CLNK: variants seen among roughly 807,000 people sequenced by gnomAD.
CLNK encodes the protein cytokine dependent hematopoietic cell linker, also known as cytokine-dependent hematopoietic cell linker.
CLNK carries 74 observed loss-of-function variants against 68.6 expected under a neutral mutation model. The observed-to-expected ratio is 1.08, with a 90% CI of 0.89 to 1.31. CLNK has a LOEUF of 1.31. Ranked by LOEUF, CLNK falls within the 50% of genes most tolerant of loss-of-function variation. The probability of loss-of-function intolerance (pLI) is 0.00; values close to 1 mark genes in which losing one functional copy is unlikely to be tolerated. For missense variants in CLNK, 553 were observed against 515.3 expected (o/e 1.07, Z -0.71); for synonymous variants, 198 against 172.2 (o/e 1.15, Z -1.17).
intron 1 of CLNK, among the ~76,000 whole-genome samples, chr4:10,679,592 G>C (rs920026498): frequency 2.0e-5 from 3 of 151,920 alleles, no homozygotes; most frequent in Admixed American, 6.6e-5. Context: ...TACAGAATAG[G>C]AGAAAATTTT....
chr4:10,640,651 A>G (rs761665660), intron 2 of CLNK, among the ~76,000 whole-genome samples: 1 of 152,218 alleles, frequency 6.6e-6, no homozygotes, highest in Non-Finnish European at 1.5e-5. Flanking sequence ...TGGCCAGGCT[A>G]TTACTCAAAT....
intron 15 of CLNK, among the ~76,000 whole-genome samples, chr4:10,514,392 C>G (rs1717740119): frequency 1.3e-5 from 2 of 151,920 alleles, no homozygotes; most frequent in Admixed American, 6.6e-5. Flanking sequence ...GATGGCCGGA[C>G]CAAAACAGAG....
chr4:10,671,044 G>A (rs1408966590), intron 1 of CLNK, among the ~76,000 whole-genome samples: 1 of 152,202 alleles, frequency 6.6e-6, no homozygotes, highest in Non-Finnish European at 1.5e-5. Flanking sequence ...TTGTATAAGA[G>A]TTTAAAAATA....
chr4:10,631,262 T>A (rs1473577485), intron 2 of CLNK, among the ~76,000 whole-genome samples: 2 of 152,172 alleles, frequency 1.3e-5, no homozygotes, highest in African/African-American at 4.8e-5. Context: ...GTGTCTAAGG[T>A]ATGTGTCCTC....
chr4:10,521,188 T>C (rs970933676), intron 14 of CLNK, among the ~76,000 whole-genome samples: 1 of 152,204 alleles, frequency 6.6e-6, no homozygotes, highest in Non-Finnish European at 1.5e-5. Context: ...TCATAATCTA[T>C]AGAAACTATT....
chr4:10,608,546 G>T (rs535220312), intron 2 of CLNK, among the ~76,000 whole-genome samples: 1 of 152,232 alleles, frequency 6.6e-6, no homozygotes, highest in South Asian at 2.1e-4. Flanking sequence ...GCTTCGTCTC[G>T]AACCTTTTGC....
chr4:10,492,543 ATTGTCCG>A (rs1560186445), intron 18 of CLNK, among the ~76,000 whole-genome samples: 1 of 152,168 alleles, frequency 6.6e-6, no homozygotes, highest in Non-Finnish European at 1.5e-5. Context: ...TGCTGTGAAA[ATTGTCCG>A]TTGAGGCTTA....
chr4:10,535,197 AAAAGAAAGAAAGAAAGAG>A (rs869177181), intron 11 of CLNK, among the ~76,000 whole-genome samples: 39 of 126,228 alleles, frequency 3.1e-4, no homozygotes, highest in Admixed American at 1.5e-3. Flanking sequence ...CTACTTAAAA[AAAAGAAAGAAAGAAAGAG>A]AAAGAAAGAA....
intron 1 of CLNK, among the ~76,000 whole-genome samples, chr4:10,681,507 C>T (rs1204379381): frequency 1.3e-5 from 2 of 152,122 alleles, no homozygotes; most frequent in African/African-American, 4.8e-5. Flanking sequence ...GTATCTAGAC[C>T]TTTTGGCTCA....
intron 2 of CLNK, among the ~76,000 whole-genome samples, chr4:10,667,373 A>AT (rs57765419): frequency 0.011 from 1,612 of 140,904 alleles, 13 homozygotes; most frequent in African/African-American, 0.022. Flanking sequence ...AGTCCTGCTA[A>AT]TTTTTTTTTT....
upstream of CLNK, among the ~76,000 whole-genome samples, chr4:10,688,589 T>C (rs2108907709): frequency 6.6e-6 from 1 of 152,240 alleles, no homozygotes. Context: ...TAAATGTAGA[T>C]GAGTTATATA....
chr4:10,651,037 AAGTC>A (rs1206249582), intron 2 of CLNK, among the ~76,000 whole-genome samples: 4 of 152,218 alleles, frequency 2.6e-5, no homozygotes, highest in East Asian at 3.9e-4. Context: ...GATCATTAAA[AAGTC>A]AGGAAAGAAC....
At chr4:10,658,744 C>T (rs1724078086) in intron 2 of CLNK, among the ~76,000 whole-genome samples, 1 of 152,220 alleles carries the variant, frequency 6.6e-6, no homozygotes, top group South Asian at 2.1e-4. Flanking sequence ...ACGGACCCGA[C>T]ACAGTGTCCC....
the CLNK span, chr4:10,691,969 C>T: frequency 3.9e-5 from 6 of 152,180 alleles, no homozygotes; most frequent in Admixed American, 3.9e-4. Flanking sequence ...AAAATTAGAT[C>T]TTTGACTTTT....
chr4:10,622,279 T>C (rs1253265827), intron 2 of CLNK, among the ~76,000 whole-genome samples: 2 of 152,206 alleles, frequency 1.3e-5, no homozygotes, highest in Non-Finnish European at 1.5e-5. Flanking sequence ...TGTGGTCATA[T>C]AGTTTTAAAG....
intron 18 of CLNK, among the ~76,000 whole-genome samples, chr4:10,491,449 A>G (rs1716567616): frequency 6.6e-6 from 1 of 152,252 alleles, no homozygotes; most frequent in African/African-American, 2.4e-5. Context: ...TCTAGTATAC[A>G]TAGAAAGAAC....
chr4:10,673,444 T>C (rs1014731166), intron 1 of CLNK, among the ~76,000 whole-genome samples: 2 of 152,060 alleles, frequency 1.3e-5, no homozygotes, highest in Non-Finnish European at 2.9e-5. Context: ...ATAGACTGGA[T>C]TAATAAAATG....
chr4:10,558,513 C>T lies in CLNK; in HGVS notation c.400-61G>A, dbSNP rs372941852. 1.9e-4 allele frequency: 284 copies of T among 1,477,332 alleles called. 2 individuals carry two copies. The African/African-American group carries it at 3.6e-3, about 19-fold the overall frequency. 91.5% of individuals were successfully genotyped at this position (1,477,332 alleles called of 1,614,324 possible). On this transcript the variant is annotated intron_variant, in intron 7 of 18. Transcript: ENST00000226951. ...TTGTGACTATGACACTATCTGATGTCTTGACACTCTCTGTGGTTAGGTTCC... is the reference window on the plus strand; with the variant it reads ...TTGTGACTATGACACTATCTGATGTTTTGACACTCTCTGTGGTTAGGTTCC...
chr4:10,610,323 C>A (rs1392466982), intron 2 of CLNK, among the ~76,000 whole-genome samples: 1 of 150,144 alleles, frequency 6.7e-6, no homozygotes, highest in East Asian at 1.9e-4. Context: ...GGATTACAGG[C>A]GTGAGCCACC....
Sources: gnomAD v4.1 joint callset for allele counts (sites outside exome capture counted in the v4.1 genomes callset) on GRCh38, gnomAD v4.1.1 for gene constraint, MANE v1.5 for transcripts, NCBI Gene and HGNC (gene_info 2026-07-23, HGNC 2026-07-21) for gene names.